The following PPP1R3B variants were observed in gnomAD, a reference collection of about 807,000 sequenced individuals.
PPP1R3B encodes PP1 subunit R4.
Under a neutral mutation model 14.6 loss-of-function variants are expected in PPP1R3B, and 8 were observed. That is an observed-to-expected ratio of 0.55 (90% CI 0.32 to 0.99). The LOEUF is 0.99. Ranked by LOEUF, PPP1R3B falls within the 50% of genes least tolerant of loss-of-function variation. The pLI is 0.04. For missense variants in PPP1R3B, 452 were observed against 360.1 expected (o/e 1.26, Z -2.07); for synonymous variants, 169 against 142.0 (o/e 1.19, Z -1.35).
Position 9,137,116 on chromosome 8 carries a change from T to C in PPP1R3B, c.*3678A>G, listed in dbSNP as rs1320781162. On this transcript the variant is annotated 3_prime_UTR_variant, in exon 2 of 2. Transcript: ENST00000310455. ...TTCTCCCATTGACTCTGACATTGTT[T>C]TAATTTCTGGAGAACTGTACAGCTT... 1 of 152,198 alleles carries C rather than the reference T, an allele frequency of 6.6e-6. No homozygotes were observed. Among genetic ancestry groups the C allele is most frequent in the African/African-American group, 2.4e-5 (1 of 41,460 alleles). The allele number at this position is 152,198 out of a possible 1,614,324, so 9.4% of individuals were successfully genotyped here. A position where few individuals can be genotyped will look rare whatever the true frequency, so the allele number is the denominator to read the frequency against.
At chr8:9,142,699 C>A (rs1173827839) in intron 1 of PPP1R3B, among the ~76,000 whole-genome samples, 2 of 152,074 alleles carry the variant, frequency 1.3e-5, no homozygotes, top group African/African-American at 4.8e-5. Context: ...TGGTAGCCAC[C>A]CCTGTACTCT....
intron 1 of PPP1R3B, among the ~76,000 whole-genome samples, chr8:9,148,672 C>T (rs1801315048): frequency 6.6e-6 from 1 of 152,144 alleles, no homozygotes. Context: ...TTATCTGTTC[C>T]ACTCATAACA....
intron 1 of PPP1R3B, among the ~76,000 whole-genome samples, chr8:9,149,192 CAA>C (rs768443532): frequency 2.5e-4 from 17 of 68,810 alleles, no homozygotes; most frequent in African/African-American, 4.8e-4. Flanking sequence ...AACTACGTCT[CAA>C]AAAAAAAAAA....
chr8:9,150,711 G>C (rs925335321), upstream of PPP1R3B: 1 of 152,492 alleles, frequency 6.6e-6, no homozygotes, highest in African/African-American at 2.4e-5. Flanking sequence ...GTGGGAGGAA[G>C]ACGACGAGGA....
intron 1 of PPP1R3B, among the ~76,000 whole-genome samples, chr8:9,146,013 G>A (rs1043041106): frequency 2.0e-5 from 3 of 151,940 alleles, no homozygotes; most frequent in African/African-American, 7.3e-5. Context: ...GGAACTACAG[G>A]TGTGCACCTC....
chr8:9,138,702 C>A lies in PPP1R3B; in HGVS notation c.*2092G>T, dbSNP rs149458764. The stretch of plus-strand genomic sequence containing the variant: ...AGGCAACTGTGCTTCCACTCCTCTT[C>A]TTGCTTGCCTTAGGAAAACTTCACT... On this transcript the variant is annotated 3_prime_UTR_variant, in exon 2 of 2. Coordinates refer to ENST00000310455, the MANE Select transcript of PPP1R3B (RefSeq NM_024607.4). 6 of 152,346 alleles carry A rather than the reference C, an allele frequency of 3.9e-5. No individual in the cohort carries two copies. Among genetic ancestry groups the A allele is most frequent in the African/African-American group, 1.2e-4 (5 of 41,580 alleles). 9.4% of individuals were successfully genotyped at this position (152,346 alleles called of 1,614,324 possible). A position where few individuals can be genotyped will look rare whatever the true frequency, so the allele number is the denominator to read the frequency against.
chr8:9,143,358 C>T (rs185859410), intron 1 of PPP1R3B, among the ~76,000 whole-genome samples: 1 of 152,280 alleles, frequency 6.6e-6, no homozygotes, highest in East Asian at 1.9e-4. Flanking sequence ...CACAAACCTG[C>T]TTTCATTAAG....
chr8:9,145,137 T>C (rs1801199956), intron 1 of PPP1R3B: 1 of 152,096 alleles, frequency 6.6e-6, no homozygotes, highest in South Asian at 2.1e-4. Flanking sequence ...TTTATATTTA[T>C]GTCTACATAT....
intron 1 of PPP1R3B, among the ~76,000 whole-genome samples, chr8:9,146,279 C>G (rs879263275): frequency 6.6e-6 from 1 of 152,140 alleles, no homozygotes; most frequent in Non-Finnish European, 1.5e-5. Context: ...CTGGATGAGT[C>G]CCCAAACCTA....
Position 9,141,057 on chromosome 8 carries a change from G to A in PPP1R3B, c.595C>T (p.Pro199Ser). Residue 199 changes from proline (P) to serine (S), a missense_variant, in exon 2 of 2, where the codon CCC (proline) becomes TCC (serine). Physicochemically the swap from Pro to Ser is moderately conservative, Grantham distance 74. Transcript: ENST00000310455. ...CTTTCATAAGACTGAATCTTCTCGG[G>A]CAAGCTGATGTCGAAGGAGAACGTG... ...RDTFSFDISL[P>S]EKIQSYERME... The A allele has an allele frequency of 6.2e-7, 1 of 1,614,192 alleles. No individual in the cohort carries two copies. The highest frequency in any genetic ancestry group is 8.5e-7 in the Non-Finnish European group (1 of 1,180,044).
intron 1 of PPP1R3B, among the ~76,000 whole-genome samples, chr8:9,144,273 C>T (rs1207840236): frequency 1.3e-5 from 2 of 151,628 alleles, no homozygotes. Context: ...TGGCAGCCTC[C>T]ACCTCCTGGG....
At chr8:9,142,583 G>A (rs1165416984) in intron 1 of PPP1R3B, among the ~76,000 whole-genome samples, 1 of 151,840 alleles carries the variant, frequency 6.6e-6, no homozygotes, top group African/African-American at 2.4e-5. Flanking sequence ...CCAAGTATAG[G>A]CACCATATTG....
At position 9,140,616 on chromosome 8, in the gene PPP1R3B, A is replaced by G; in HGVS notation, c.*178T>C. 1 of 688,446 alleles carries G rather than the reference A, an allele frequency of 1.5e-6. No homozygotes were observed. Among genetic ancestry groups the G allele is most frequent in the South Asian group, 2.0e-5 (1 of 51,188 alleles). 42.6% of individuals were successfully genotyped at this position (688,446 alleles called of 1,614,324 possible). A position where few individuals can be genotyped will look rare whatever the true frequency, so the allele number is the denominator to read the frequency against. On this transcript the variant is annotated 3_prime_UTR_variant, in exon 2 of 2. Transcript: ENST00000310455. ...CTTTGAGTGAGACACTGGTTGTGTA[A>G]TCTGAACCTGGCTGGATTTGCTGTT... is the stretch of plus-strand genomic sequence containing the variant.
chr8:9,142,060 A>T (rs1801108432), intron 1 of PPP1R3B, among the ~76,000 whole-genome samples: 1 of 152,222 alleles, frequency 6.6e-6, no homozygotes, highest in South Asian at 2.1e-4. Flanking sequence ...TTTGACTAAA[A>T]GGGTGTCTTC....
chr8:9,148,846 A>G (rs1424214455), intron 1 of PPP1R3B, among the ~76,000 whole-genome samples: 1 of 152,146 alleles, frequency 6.6e-6, no homozygotes, highest in African/African-American at 2.4e-5. Flanking sequence ...GGGCCACGAC[A>G]TTATCCCCTC....
intron 1 of PPP1R3B, among the ~76,000 whole-genome samples, chr8:9,149,760 G>T (rs1193537323): frequency 6.6e-6 from 1 of 152,158 alleles, no homozygotes; most frequent in Non-Finnish European, 1.5e-5. Flanking sequence ...AGCCTTAAAG[G>T]CTCCTTGTAC....
At chr8:9,144,871 G>A (rs771626220) in intron 1 of PPP1R3B, among the ~76,000 whole-genome samples, 1 of 152,060 alleles carries the variant, frequency 6.6e-6, no homozygotes. Context: ...TTAGCCTTTC[G>A]AGTAGCTGGG....
At chr8:9,148,552 A>G (rs1184195980) in intron 1 of PPP1R3B, among the ~76,000 whole-genome samples, 2 of 152,222 alleles carry the variant, frequency 1.3e-5, no homozygotes, top group Non-Finnish European at 2.9e-5. Flanking sequence ...GAGCTCAGGG[A>G]TCAGTTTCTC....
Position 9,139,146 on chromosome 8 carries a change from G to A in PPP1R3B, c.*1648C>T, listed in dbSNP as rs1266420618. The A allele has an allele frequency of 1.3e-5, 2 of 152,250 alleles. No homozygotes were observed. Among genetic ancestry groups the A allele is most frequent in the Non-Finnish European group, 2.9e-5 (2 of 68,064 alleles). 9.4% of individuals were successfully genotyped at this position (152,250 alleles called of 1,614,324 possible). A position where few individuals can be genotyped will look rare whatever the true frequency, so the allele number is the denominator to read the frequency against. ...TTGGCCAGGCTGGTCTTGAACGCCT[G>A]ACCTCAGGTGAGCTGCCCGCCTTGG... is the stretch of plus-strand genomic sequence containing the variant. On this transcript the variant is annotated 3_prime_UTR_variant, in exon 2 of 2. Transcript: ENST00000310455.
Sources: gnomAD v4.1 joint callset for allele counts (sites outside exome capture counted in the v4.1 genomes callset) on GRCh38, gnomAD v4.1.1 for gene constraint, MANE v1.5 for transcripts, NCBI Gene and HGNC (gene_info 2026-07-23, HGNC 2026-07-21) for gene names.